SH3RF1: variants seen among roughly 807,000 people sequenced by gnomAD.
The protein encoded by SH3RF1 is E3 ubiquitin-protein ligase SH3RF1.
In SH3RF1, 32 loss-of-function variants were observed where a neutral mutation model predicts 74.0. The observed-to-expected ratio is 0.43, with a 90% CI of 0.33 to 0.58. SH3RF1 has a LOEUF of 0.58. SH3RF1 is among the 20% of genes least tolerant of loss of function. The pLI is 0.05. For missense variants in SH3RF1, 954 were observed against 1,130.9 expected (o/e 0.84, Z 2.24); for synonymous variants, 396 against 439.6 (o/e 0.90, Z 1.24).
At chr4:169,231,353 G>A (rs1730735036) in intron 2 of SH3RF1, among the ~76,000 whole-genome samples, 1 of 152,158 alleles carries the variant, frequency 6.6e-6, no homozygotes, top group African/African-American at 2.4e-5. Context: ...AGATCACGAG[G>A]TCAGGAGTTC....
chr4:169,121,013 T>A, intron 7 of SH3RF1, 24 bp from the exon 8 acceptor site: 1 of 1,597,982 alleles, frequency 6.3e-7, no homozygotes. Context: ...TAATATTTGA[T>A]TTCAGGTTGA....
At chr4:169,159,356 A>T (rs1734115346) in intron 2 of SH3RF1, among the ~76,000 whole-genome samples, 2 of 152,258 alleles carry the variant, frequency 1.3e-5, no homozygotes, top group Admixed American at 1.3e-4. Flanking sequence ...AGGAAATAAT[A>T]GTAAAACACA....
chr4:169,140,641 G>A (rs1340486895), intron 4 of SH3RF1, among the ~76,000 whole-genome samples: 1 of 152,114 alleles, frequency 6.6e-6, no homozygotes, highest in Non-Finnish European at 1.5e-5. Flanking sequence ...GGCAGCTTAA[G>A]AAATATTAAA....
chr4:169,269,313 G>GCCTCGGC lies in SH3RF1; in HGVS notation c.-95-7_-95-6insGCCGAGG. 5.4e-6 allele frequency: 7 copies of GCCTCGGC among 1,285,350 alleles called. No individual in the cohort carries two copies. Among genetic ancestry groups the GCCTCGGC allele is most frequent in the Non-Finnish European group, 7.3e-6 (7 of 954,772 alleles). The allele number at this position is 1,285,350 out of a possible 1,614,324, so 79.6% of individuals were successfully genotyped here. ...CATCCATTTCAGACTTTGCTCTAGA[G>GCCTCGGC]TCATGGGGAAAAGGGGGAAAAGAGA... is the stretch of plus-strand genomic sequence containing the variant. On this transcript the variant is annotated splice_region_variant and splice_polypyrimidine_tract_variant and intron_variant, in intron 1 of 11. Transcript: ENST00000284637.
At chr4:169,176,594 G>A (rs965569651) in intron 2 of SH3RF1, among the ~76,000 whole-genome samples, 2 of 152,094 alleles carry the variant, frequency 1.3e-5, no homozygotes, top group African/African-American at 4.8e-5. Context: ...AGGTTGGAGT[G>A]CACTGGCCTA....
chr4:169,214,619 C>T (rs911708686), intron 2 of SH3RF1, among the ~76,000 whole-genome samples: 6 of 152,010 alleles, frequency 3.9e-5, no homozygotes, highest in Non-Finnish European at 8.8e-5. Context: ...TGTAGTTTTC[C>T]TTGCACAGAT....
In SH3RF1 at chr4:169,107,082, C is replaced by A; in HGVS notation, c.2263G>T (p.Gly755Ter). The A allele has an allele frequency of 1.9e-6, 3 of 1,614,006 alleles. No homozygotes were observed. The highest frequency in any genetic ancestry group is 2.5e-6 in the Non-Finnish European group (3 of 1,179,998). ...ELGSAELPLQ[G>*]AVGPELPPGG... The stretch of plus-strand genomic sequence containing the variant: ...GGTGGCAGTTCGGGCCCCACCGCTC[C>A]CTGGAGAGGAAGCTCTGCACTGCCC... Residue 755 changes from glycine to a stop codon, truncating the protein, a stop_gained, in exon 11 of 12, where the codon GGA becomes TGA. Coordinates refer to ENST00000284637, the MANE Select transcript of SH3RF1 (RefSeq NM_020870.4). LOFTEE classifies it high-confidence loss of function.
At chr4:169,127,508 A>C (rs1733548013) in intron 6 of SH3RF1, among the ~76,000 whole-genome samples, 1 of 152,190 alleles carries the variant, frequency 6.6e-6, no homozygotes, top group Non-Finnish European at 1.5e-5. Flanking sequence ...TGACATATTA[A>C]ATCTAAAACA....
chr4:169,197,152 C>G (rs1734827138), intron 2 of SH3RF1, among the ~76,000 whole-genome samples: 2 of 151,816 alleles, frequency 1.3e-5, no homozygotes, highest in African/African-American at 4.8e-5. Flanking sequence ...ATTACAGGTG[C>G]CTGCTACCAT....
chr4:169,252,053 C>T (rs1008317768), intron 2 of SH3RF1, among the ~76,000 whole-genome samples: 1 of 152,132 alleles, frequency 6.6e-6, no homozygotes, highest in Non-Finnish European at 1.5e-5. Flanking sequence ...TGGTATGTTC[C>T]GCAGCGACTC....
chr4:169,127,042 G>A (rs1216493804), intron 6 of SH3RF1, among the ~76,000 whole-genome samples: 1 of 152,136 alleles, frequency 6.6e-6, no homozygotes, highest in African/African-American at 2.4e-5. Context: ...GTTTTAAAAG[G>A]CCTTCTGCCA....
intron 4 of SH3RF1, among the ~76,000 whole-genome samples, 198 bp downstream of exon 4, chr4:169,155,280 TAA>T (rs1203501774): frequency 3.3e-5 from 5 of 152,108 alleles, no homozygotes; most frequent in Non-Finnish European, 2.9e-5. Context: ...GGAGAAAAAG[TAA>T]AGAGTTTCAA....
intron 4 of SH3RF1, among the ~76,000 whole-genome samples, chr4:169,138,966 C>G (rs1379024886): frequency 6.6e-6 from 1 of 151,954 alleles, no homozygotes; most frequent in Non-Finnish European, 1.5e-5. Flanking sequence ...TTTGGGGGGA[C>G]TGGGGGGAAA....
At chr4:169,261,999 T>C (rs557581930) in intron 2 of SH3RF1, among the ~76,000 whole-genome samples, 3 of 152,292 alleles carry the variant, frequency 2.0e-5, no homozygotes, top group South Asian at 2.1e-4. Flanking sequence ...AAAAATTCTA[T>C]GAGTAAAAAT....
rs572514113 is a variant in SH3RF1 at position 169,158,028 on chromosome 4, C to T, written c.394-1349G>A. Among the ~76,000 whole-genome samples, 7 of 152,282 alleles carry T rather than the reference C, an allele frequency of 4.6e-5. No individual in the cohort carries two copies. The East Asian group carries it at 7.7e-4, about 17-fold the overall frequency. On this transcript the variant is annotated intron_variant, in intron 2 of 11. Transcript: ENST00000284637. ...TGCTGGGATTATAGGCATGAGCCAT[C>T]GCACCCAGTGCAAGCTTTTACTTTT... is the stretch of plus-strand genomic sequence containing the variant.
At chr4:169,140,557 T>C (rs1473937156) in intron 4 of SH3RF1, among the ~76,000 whole-genome samples, 1 of 152,190 alleles carries the variant, frequency 6.6e-6, no homozygotes, top group African/African-American at 2.4e-5. Context: ...AAGAATGTGT[T>C]TTTGAGAGTT....
chr4:169,180,356 TC>T (rs1212149489), intron 2 of SH3RF1, among the ~76,000 whole-genome samples: 5 of 152,202 alleles, frequency 3.3e-5, no homozygotes, highest in African/African-American at 1.2e-4. Flanking sequence ...TAAATACTGA[TC>T]CTCCACCTCA....
At chr4:169,105,870 A>G (rs1265750280) in intron 11 of SH3RF1, among the ~76,000 whole-genome samples, 1 of 152,216 alleles carries the variant, frequency 6.6e-6, no homozygotes, top group East Asian at 1.9e-4. Flanking sequence ...TGCGCAACAG[A>G]GCAAGACCCT....
chr4:169,171,179 A>G (rs1424855567), intron 2 of SH3RF1, among the ~76,000 whole-genome samples: 1 of 152,174 alleles, frequency 6.6e-6, no homozygotes, highest in Non-Finnish European at 1.5e-5. Context: ...AATGAGGCAA[A>G]CACCACGGTG....
Sources: gnomAD v4.1 joint callset for allele counts (sites outside exome capture counted in the v4.1 genomes callset) on GRCh38, gnomAD v4.1.1 for gene constraint, MANE v1.5 for transcripts, NCBI Gene and HGNC (gene_info 2026-07-23, HGNC 2026-07-21) for gene names.